R3HDM2: variants seen among roughly 807,000 people sequenced by gnomAD.
R3HDM2 encodes R3H domain containing 2, also known as R3H domain-containing protein 2.
A neutral mutation model predicts 124.5 loss-of-function variants in R3HDM2; 38 were observed. The observed-to-expected ratio is 0.31, with a 90% CI of 0.24 to 0.40. The LOEUF is 0.40. R3HDM2 is among the 10% of genes least tolerant of loss of function. The pLI is 1.00. For synonymous variants in R3HDM2, 391 were observed against 448.0 expected (o/e 0.87, Z 1.61); for missense variants, 869 against 1,236.9 (o/e 0.70, Z 4.46).
At chr12:57,361,770 A>C (rs572068105) in intron 2 of R3HDM2, among the ~76,000 whole-genome samples, 1 of 152,342 alleles carries the variant, frequency 6.6e-6, no homozygotes, top group South Asian at 2.1e-4. Context: ...CTAAAGCAAA[A>C]GGAAGGTGAA....
At chr12:57,399,964 C>A (rs2067903349) in intron 1 of R3HDM2, among the ~76,000 whole-genome samples, 1 of 152,204 alleles carries the variant, frequency 6.6e-6, no homozygotes, top group Admixed American at 6.5e-5. Flanking sequence ...TGACAAGTCA[C>A]TGACTTGCCA....
intron 2 of R3HDM2, among the ~76,000 whole-genome samples, chr12:57,329,997 G>T (rs1302820130): frequency 6.6e-6 from 1 of 152,092 alleles, no homozygotes; most frequent in Non-Finnish European, 1.5e-5. Context: ...TTATGAGATG[G>T]AGTTTTGCTC....
intron 2 of R3HDM2, among the ~76,000 whole-genome samples, chr12:57,346,231 T>C (rs1382390990): frequency 2.1e-5 from 3 of 143,982 alleles, no homozygotes; most frequent in African/African-American, 7.8e-5. Context: ...CCGAAGCGAG[T>C]GGATCACCTG....
At chr12:57,382,267 A>C (rs1192753551) in intron 2 of R3HDM2, among the ~76,000 whole-genome samples, 2 of 149,784 alleles carry the variant, frequency 1.3e-5, no homozygotes, top group Non-Finnish European at 3.0e-5. Context: ...AGCACACACC[A>C]ACACATCTGG....
At chr12:57,289,504 A>G (rs1015646097) in intron 11 of R3HDM2, among the ~76,000 whole-genome samples, 15 of 152,218 alleles carry the variant, frequency 9.9e-5, no homozygotes, top group Admixed American at 5.9e-4. Context: ...ATTGGCCAAA[A>G]TGAAAGACAT....
In R3HDM2 at chr12:57,379,240, T is replaced by C. The variant is rs185215060; in HGVS notation, c.-36+16509A>G. 7.5e-4 allele frequency among the ~76,000 whole-genome samples: 114 copies of C among 152,344 alleles called. 1 individual carries two copies. In the Middle Eastern group the frequency reaches 0.02, roughly 27 times the overall value. Reference sequence around the variant, plus strand: ...TGTTAAAATGGTAAATTTTATGTTATGGTTAAGATGGCAAATTCTGTTATG... The same window carrying C: ...TGTTAAAATGGTAAATTTTATGTTACGGTTAAGATGGCAAATTCTGTTATG... On this transcript the variant is annotated intron_variant, in intron 2 of 23. Coordinates refer to ENST00000402412, the MANE Select transcript of R3HDM2 (RefSeq NM_001394031.1).
At chr12:57,309,220 C>T (rs571908833) in intron 3 of R3HDM2, among the ~76,000 whole-genome samples, 7 of 152,216 alleles carry the variant, frequency 4.6e-5, no homozygotes, top group African/African-American at 1.4e-4. Context: ...GTTGTTGTTC[C>T]GGTGTTTTAA....
intron 14 of R3HDM2, among the ~76,000 whole-genome samples, chr12:57,272,716 T>C (rs1301153400): frequency 6.6e-6 from 1 of 152,140 alleles, no homozygotes; most frequent in Non-Finnish European, 1.5e-5. Flanking sequence ...GCACGACTGC[T>C]GAGCAGGTAG....
In R3HDM2 at chr12:57,253,952, C is replaced by G. The variant is rs1481973400; in HGVS notation, c.*821G>C. ...CTCAAACAAACAATATACAAGTGTT[C>G]TGGGGGGGCCAGGGGAATCCCAAGT... On this transcript the variant is annotated 3_prime_UTR_variant, in exon 24 of 24. Coordinates refer to ENST00000402412, the MANE Select transcript of R3HDM2 (RefSeq NM_001394031.1). 2.9e-6 allele frequency: 1 copy of G among 340,628 alleles called. No homozygotes were observed. The highest frequency in any genetic ancestry group is 5.5e-6 in the Non-Finnish European group (1 of 180,254). The allele number at this position is 340,628 out of a possible 1,614,324, so 21.1% of individuals were successfully genotyped here. A position where few individuals can be genotyped will look rare whatever the true frequency, so the allele number is the denominator to read the frequency against.
At position 57,266,793 on chromosome 12, in the gene R3HDM2, T is replaced by C. The variant is rs1212841498; in HGVS notation, c.2069A>G (p.Gln690Arg). 1.2e-6 allele frequency: 2 copies of C among 1,610,768 alleles called. No individual in the cohort carries two copies. The highest frequency in any genetic ancestry group is 1.7e-6 in the Non-Finnish European group (2 of 1,177,166). The change falls in exon 19 of 24, where the codon CAG (glutamine) becomes CGG (arginine). Residue 690 changes from glutamine (Q) to arginine (R), a missense_variant. Physicochemically the swap from Gln to Arg is conservative, Grantham distance 43. This residue lies in a region of R3HDM2 where 602 missense variants were observed against 789.2 expected (regional missense o/e 0.76). Transcript: ENST00000402412. The part of the protein sequence containing the change: ...VGFLQPPGSE[Q>R]YQMPQSPSPC... ...AGAGGGAGACTGAGGCATCTGGTAC[T>C]GCTCAGAGCCAGGGGGTTGCAGAAA...
intron 3 of R3HDM2, among the ~76,000 whole-genome samples, chr12:57,308,356 T>C (rs373603169): frequency 5.9e-5 from 9 of 151,588 alleles, no homozygotes; most frequent in East Asian, 2.0e-4. Context: ...GCGCCCGGCC[T>C]GAAGACATTT....
At chr12:57,305,659 T>C (rs2052418945) in intron 3 of R3HDM2, 1 of 398,920 alleles carries the variant, frequency 2.5e-6, no homozygotes, top group Non-Finnish European at 4.4e-6. Context: ...AAGGAACTCA[T>C]AATCCTGTTG....
intron 1 of R3HDM2, among the ~76,000 whole-genome samples, chr12:57,425,525 C>T (rs1012480718): frequency 2.0e-5 from 3 of 151,872 alleles, no homozygotes; most frequent in Admixed American, 6.6e-5. Flanking sequence ...TCAGGCCGGG[C>T]GTAGCAGCTC....
At chr12:57,259,730 T>G (rs1286017307) in intron 19 of R3HDM2, among the ~76,000 whole-genome samples, 1 of 152,206 alleles carries the variant, frequency 6.6e-6, no homozygotes, top group Non-Finnish European at 1.5e-5. Flanking sequence ...ATGTGCTAGT[T>G]CCTATGTTGG....
At chr12:57,390,341 G>A (rs1188584709) in intron 2 of R3HDM2, among the ~76,000 whole-genome samples, 1 of 152,116 alleles carries the variant, frequency 6.6e-6, no homozygotes, top group Non-Finnish European at 1.5e-5. Flanking sequence ...TCCAAGAAAT[G>A]TAACAGGGAA....
At chr12:57,320,605 T>C (rs1420845476) in intron 2 of R3HDM2, among the ~76,000 whole-genome samples, 19 of 152,108 alleles carry the variant, frequency 1.2e-4, no homozygotes, top group Admixed American at 1.2e-3. Flanking sequence ...GACTGTGAGA[T>C]GTCGGGGGAA....
chr12:57,382,060 A>ATT (rs1334007870), intron 2 of R3HDM2, among the ~76,000 whole-genome samples: 1 of 151,448 alleles, frequency 6.6e-6, no homozygotes, highest in Non-Finnish European at 1.5e-5. Flanking sequence ...GATTCAAGTG[A>ATT]TCCTCCCAAC....
At chr12:57,295,595 T>A (rs959034583) in intron 9 of R3HDM2, 88 bp from the exon 10 acceptor site, 2 of 855,516 alleles carry the variant, frequency 2.3e-6, no homozygotes, top group Admixed American at 2.4e-5. Flanking sequence ...TCTCCTAAAT[T>A]ACACAACTCA....
At chr12:57,270,041 A>T in intron 14 of R3HDM2, 47 bp from the exon 15 acceptor site, 1 of 1,605,234 alleles carries the variant, frequency 6.2e-7, no homozygotes, top group Non-Finnish European at 8.5e-7. Flanking sequence ...ATCAAACCTC[A>T]TGTCTTTGGC....
Sources: gnomAD v4.1 joint callset for allele counts (sites outside exome capture counted in the v4.1 genomes callset) on GRCh38, gnomAD v4.1.1 for gene constraint, gnomAD v4.1.1 regional missense constraint, MANE v1.5 for transcripts, NCBI Gene and HGNC (gene_info 2026-07-23, HGNC 2026-07-21) for gene names.